PREX2: variants seen among roughly 807,000 people sequenced by gnomAD.
The protein encoded by PREX2 is phosphatidylinositol-3,4,5-trisphosphate dependent Rac exchange factor 2, also known as phosphatidylinositol 3,4,5-trisphosphate-dependent Rac exchanger 2 protein.
A neutral mutation model predicts 203.2 loss-of-function variants in PREX2; 107 were observed. That is an observed-to-expected ratio of 0.53 (90% CI 0.45 to 0.62). The LOEUF (loss-of-function observed/expected upper bound fraction) is 0.62, where lower values mean the gene tolerates loss of function less well. Among genes scored for constraint, PREX2 ranks in the 20% least tolerant of loss-of-function variants. The pLI is 0.00. For missense variants in PREX2, 1,777 were observed against 1,955.9 expected, an observed-to-expected ratio of 0.91 and a Z score of 1.72; for synonymous variants, 672 against 663.6, an observed-to-expected ratio of 1.01 and a Z score of -0.19.
Position 68,192,538 on chromosome 8 carries a change from C to T in PREX2, c.4604+13C>T, listed in dbSNP as rs374008631. 32 of 1,573,942 alleles carry T rather than the reference C, an allele frequency of 2.0e-5. 1 individual carries two copies. The highest frequency in any genetic ancestry group is 1.8e-4 in the African/African-American group (13 of 73,792). On this transcript the variant is annotated intron_variant, in intron 37 of 39. Coordinates refer to ENST00000288368, the MANE Select transcript of PREX2 (RefSeq NM_024870.4). Reference sequence around the variant, plus strand: ...GCGGTGTGCATCGGTATGTGACCCTCCCGCCTTGCTTGCCTCTTTGTTAGA... The same window carrying T: ...GCGGTGTGCATCGGTATGTGACCCTTCCGCCTTGCTTGCCTCTTTGTTAGA...
intron 39 of PREX2, among the ~76,000 whole-genome samples, chr8:68,229,026 TCA>T (rs1813115624): frequency 6.6e-6 from 1 of 150,758 alleles, no homozygotes. Context: ...TGTCTGAGAC[TCA>T]GTTTTCTCAT....
At chr8:68,045,758 A>G (rs1309875514) in intron 8 of PREX2, among the ~76,000 whole-genome samples, 1 of 152,020 alleles carries the variant, frequency 6.6e-6, no homozygotes, top group Non-Finnish European at 1.5e-5. Context: ...CTCATTTCAA[A>G]TCCCTTTCTA....
At chr8:68,137,849 G>A (rs1811144280) in intron 32 of PREX2, among the ~76,000 whole-genome samples, 1 of 152,152 alleles carries the variant, frequency 6.6e-6, no homozygotes, top group African/African-American at 2.4e-5. Context: ...CAAGATTCTA[G>A]ACTAAGACGC....
In PREX2 at chr8:68,103,753, C is replaced by T. The variant is rs536504262; in HGVS notation, c.2715+3910C>T. On this transcript the variant is annotated intron_variant, in intron 23 of 39. Coordinates refer to ENST00000288368, the MANE Select transcript of PREX2 (RefSeq NM_024870.4). ...CCGTAAACCTCTACTTGGTGGTTCT[C>T]CGTGACCCCACATATGCCTGGTTTT... The T allele has an allele frequency of 1.2e-3, 621 of 519,158 alleles. 1 individual carries two copies. Among genetic ancestry groups the T allele is most frequent in the Non-Finnish European group, 1.2e-3 (322 of 259,584 alleles). 32.2% of individuals were successfully genotyped at this position (519,158 alleles called of 1,614,324 possible).
chr8:68,201,215 A>G (rs1812494466), intron 37 of PREX2, among the ~76,000 whole-genome samples: 1 of 152,158 alleles, frequency 6.6e-6, no homozygotes. Flanking sequence ...TAAATTTTCC[A>G]TCTTCCAGAG....
At chr8:68,079,312 C>T (rs1809443413) in intron 15 of PREX2, among the ~76,000 whole-genome samples, 2 of 152,216 alleles carry the variant, frequency 1.3e-5, no homozygotes, top group South Asian at 4.1e-4. Context: ...TTCATCCAGT[C>T]AACAATTATT....
intron 26 of PREX2, among the ~76,000 whole-genome samples, chr8:68,117,746 G>A (rs923474311): frequency 6.6e-6 from 1 of 152,004 alleles, no homozygotes; most frequent in Admixed American, 6.6e-5. Flanking sequence ...TCTTTCCTTG[G>A]GCATTCATCA....
intron 32 of PREX2, among the ~76,000 whole-genome samples, chr8:68,135,889 A>C (rs1339798341): frequency 6.6e-6 from 1 of 152,244 alleles, no homozygotes; most frequent in Non-Finnish European, 1.5e-5. Flanking sequence ...AATATTATTC[A>C]GCAATAAAAT....
At chr8:68,144,027 C>T (rs1811276856) in intron 33 of PREX2, among the ~76,000 whole-genome samples, 1 of 152,100 alleles carries the variant, frequency 6.6e-6, no homozygotes, top group African/African-American at 2.4e-5. Context: ...TCTGAGCTCT[C>T]TGTTCTATTT....
chr8:68,053,305 C>T (rs1808578127), intron 9 of PREX2, 59 bp downstream of exon 9: 4 of 1,543,178 alleles, frequency 2.6e-6, no homozygotes, highest in African/African-American at 1.4e-5. Flanking sequence ...AGCATAGGAG[C>T]AGATAATGGG....
chr8:67,972,114 C>A (rs936971520), intron 1 of PREX2, among the ~76,000 whole-genome samples: 1 of 152,160 alleles, frequency 6.6e-6, no homozygotes, highest in African/African-American at 2.4e-5. Flanking sequence ...GTTTTGTTTT[C>A]ATATTTTCCC....
intron 21 of PREX2, 25 bp from the exon 22 acceptor site, chr8:68,096,992 T>G: frequency 6.3e-7 from 1 of 1,581,810 alleles, no homozygotes; most frequent in South Asian, 1.1e-5. Context: ...ATGAATTTAC[T>G]GAGTTACAGT....
At chr8:68,150,247 G>A (rs1811408202) in intron 34 of PREX2, among the ~76,000 whole-genome samples, 1 of 152,182 alleles carries the variant, frequency 6.6e-6, no homozygotes. Flanking sequence ...ACTCCCCTGG[G>A]CCTCCTTTCT....
At chr8:68,115,957 A>C in intron 26 of PREX2, 25 bp downstream of exon 26, 6 of 1,541,586 alleles carry the variant, frequency 3.9e-6, no homozygotes, top group African/African-American at 1.4e-5. Context: ...CCTCAAACTC[A>C]TTTTCTTAAC....
chr8:68,115,400 C>T (rs1487063243), intron 25 of PREX2, among the ~76,000 whole-genome samples: 1 of 152,152 alleles, frequency 6.6e-6, no homozygotes, highest in Non-Finnish European at 1.5e-5. Context: ...ACCCATTATG[C>T]ACCAGGAATA....
At chr8:68,096,208 A>G (rs1393372981) in intron 21 of PREX2, among the ~76,000 whole-genome samples, 2 of 152,034 alleles carry the variant, frequency 1.3e-5, no homozygotes, top group South Asian at 4.2e-4. Flanking sequence ...ATTGAAAGGT[A>G]GATTGGTTCC....
In PREX2 at chr8:68,069,837, T is replaced by A; in HGVS notation, c.1446T>A (p.Gly482=). The A allele has an allele frequency of 1.3e-6, 2 of 1,516,130 alleles. No homozygotes were observed. The highest frequency in any genetic ancestry group is 1.8e-6 in the Non-Finnish European group (2 of 1,102,254). The allele number at this position is 1,516,130 out of a possible 1,614,324, so 93.9% of individuals were successfully genotyped here. A position where few individuals can be genotyped will look rare whatever the true frequency, so the allele number is the denominator to read the frequency against. Residue 482 remains glycine (G), a splice_region_variant and synonymous_variant, in exon 13 of 40, where the codon GGT becomes GGA. Coordinates refer to ENST00000288368, the MANE Select transcript of PREX2 (RefSeq NM_024870.4). The part of the protein sequence containing the change: ...RNEMQDVISK[G]VRLYCRLHSL... ...TGATATATCTCTATTTTACGTAGGG[T>A]GTAAGATTATATTGTCGTCTTCATA...
At chr8:68,068,755 GTACATATATAAA>G (rs1809095765) in intron 11 of PREX2, among the ~76,000 whole-genome samples, 2 of 151,892 alleles carry the variant, frequency 1.3e-5, no homozygotes, top group Non-Finnish European at 2.9e-5. Context: ...ATATACTCAT[GTACATATATAAA>G]TACATATATT....
intron 35 of PREX2, among the ~76,000 whole-genome samples, chr8:68,168,463 G>A (rs1255364930): frequency 1.3e-5 from 2 of 152,148 alleles, no homozygotes; most frequent in East Asian, 3.9e-4. Context: ...ACATTTTAAT[G>A]TCTCTTTCTT....
Sources: gnomAD v4.1 joint callset for allele counts (sites outside exome capture counted in the v4.1 genomes callset) on GRCh38, gnomAD v4.1.1 for gene constraint, MANE v1.5 for transcripts, NCBI Gene and HGNC (gene_info 2026-07-23, HGNC 2026-07-21) for gene names.